The following CBLN2 variants were observed in gnomAD, a reference collection of about 807,000 sequenced individuals.
CBLN2 encodes cerebellin-2.
In CBLN2, 7 loss-of-function variants were observed where a neutral mutation model predicts 15.0. The observed-to-expected ratio is 0.47, with a 90% CI of 0.27 to 0.88. The LOEUF (loss-of-function observed/expected upper bound fraction) is 0.88. Ranked by LOEUF, CBLN2 falls within the 40% of genes least tolerant of loss-of-function variation. The probability of loss-of-function intolerance (pLI) is 0.14; values close to 1 mark genes in which losing one functional copy is unlikely to be tolerated. For missense variants in CBLN2, 242 were observed against 304.5 expected, an observed-to-expected ratio of 0.79 and a Z score of 1.53; for synonymous variants, 149 against 135.2, an observed-to-expected ratio of 1.10 and a Z score of -0.71.
At chr18:72,580,400 T>C (rs1264829523) in intron 1 of CBLN2, among the ~76,000 whole-genome samples, 3 of 152,198 alleles carry the variant, frequency 2.0e-5, no homozygotes, top group Non-Finnish European at 4.4e-5. Flanking sequence ...GACTAGAATA[T>C]TGACAGAAAG....
intron 1 of CBLN2, among the ~76,000 whole-genome samples, chr18:72,627,358 A>T (rs1342759960): frequency 6.6e-6 from 1 of 152,222 alleles, no homozygotes; most frequent in Non-Finnish European, 1.5e-5. Context: ...AACATTTTAT[A>T]TCTATATGAG....
At chr18:72,589,027 G>T (rs1190327092) in intron 1 of CBLN2, among the ~76,000 whole-genome samples, 1 of 152,126 alleles carries the variant, frequency 6.6e-6, no homozygotes, top group African/African-American at 2.4e-5. Context: ...AACCATTATA[G>T]CTGCTCTGGT....
chr18:72,604,069 A>T (rs572188465), intron 1 of CBLN2, among the ~76,000 whole-genome samples: 1 of 152,298 alleles, frequency 6.6e-6, no homozygotes, highest in Non-Finnish European at 1.5e-5. Flanking sequence ...GGGGTCTAGG[A>T]GACAGTACTT....
At chr18:72,583,438 G>C (rs899087566) in intron 1 of CBLN2, among the ~76,000 whole-genome samples, 1 of 152,046 alleles carries the variant, frequency 6.6e-6, no homozygotes. Flanking sequence ...TACTTTGGGG[G>C]CTCAATACTG....
chr18:72,561,258 A>AC (rs1396488657), intron 1 of CBLN2, among the ~76,000 whole-genome samples: 1 of 151,270 alleles, frequency 6.6e-6, no homozygotes, highest in Non-Finnish European at 1.5e-5. Context: ...AAAAAAAAAA[A>AC]AGATGCTTGA....
chr18:72,597,642 CT>C (rs2144938273), intron 1 of CBLN2, among the ~76,000 whole-genome samples: 1 of 152,318 alleles, frequency 6.6e-6, no homozygotes, highest in East Asian at 1.9e-4. Flanking sequence ...CAAGTTCCCC[CT>C]GTCCCTGAGA....
At chr18:72,586,398 T>G (rs1568124687) in intron 1 of CBLN2, among the ~76,000 whole-genome samples, 1 of 152,212 alleles carries the variant, frequency 6.6e-6, no homozygotes, top group African/African-American at 2.4e-5. Flanking sequence ...TGCCATAAAT[T>G]TCTTTACCAA....
intron 1 of CBLN2, among the ~76,000 whole-genome samples, chr18:72,555,560 C>G (rs1161715555): frequency 6.6e-6 from 1 of 152,090 alleles, no homozygotes; most frequent in Non-Finnish European, 1.5e-5. Context: ...CTAATACAAT[C>G]TTAATTTATG....
At chr18:72,633,032 A>C (rs994079254) in intron 1 of CBLN2, among the ~76,000 whole-genome samples, 3 of 152,184 alleles carry the variant, frequency 2.0e-5, no homozygotes, top group Non-Finnish European at 4.4e-5. Flanking sequence ...TTGTTTGTTA[A>C]ATGAAAAAGT....
At chr18:72,638,051 G>A (rs1223024963) in intron 1 of CBLN2, among the ~76,000 whole-genome samples, 1 of 152,340 alleles carries the variant, frequency 6.6e-6, no homozygotes, top group East Asian at 1.9e-4. Flanking sequence ...CAGGTTTAGA[G>A]TGAGGGCCCT....
upstream of CBLN2, among the ~76,000 whole-genome samples, chr18:72,546,070 A>G (rs2069155725): frequency 6.6e-6 from 1 of 152,242 alleles, no homozygotes; most frequent in Non-Finnish European, 1.5e-5. Flanking sequence ...TTTTAGAAGA[A>G]ACCATAAAAG....
chr18:72,615,063 ATATATT>A (rs2069648252), intron 1 of CBLN2, among the ~76,000 whole-genome samples: 2 of 138,266 alleles, frequency 1.4e-5, no homozygotes, highest in Non-Finnish European at 3.1e-5. Context: ...ATATAAATAT[ATATATT>A]TATATATTAT....
At chr18:72,610,178 T>C (rs535357460) in intron 1 of CBLN2, among the ~76,000 whole-genome samples, 1 of 152,080 alleles carries the variant, frequency 6.6e-6, no homozygotes, top group African/African-American at 2.4e-5. Context: ...GAGTTGTTGT[T>C]GTTGTTTTTA....
chr18:72,627,479 C>T (rs1283003751), intron 1 of CBLN2, among the ~76,000 whole-genome samples: 5 of 152,298 alleles, frequency 3.3e-5, no homozygotes, highest in African/African-American at 1.2e-4. Flanking sequence ...CTCAAATACT[C>T]TTCGAATGGG....
At chr18:72,627,434 T>C (rs1000783726) in intron 1 of CBLN2, among the ~76,000 whole-genome samples, 1 of 152,276 alleles carries the variant, frequency 6.6e-6, no homozygotes, top group African/African-American at 2.4e-5. Flanking sequence ...AAGAAGATGT[T>C]GCTGCGTGGC....
intron 1 of CBLN2, among the ~76,000 whole-genome samples, chr18:72,597,355 T>C (rs189156007): frequency 3.9e-5 from 6 of 152,336 alleles, no homozygotes; most frequent in Admixed American, 1.3e-4. Context: ...TACCAGGCAG[T>C]TACTCTTGTT....
At chr18:72,588,000 A>C (rs2069454670) in intron 1 of CBLN2, among the ~76,000 whole-genome samples, 1 of 152,224 alleles carries the variant, frequency 6.6e-6, no homozygotes, top group Admixed American at 6.5e-5. Context: ...AATAATTATC[A>C]TAGAGATTGC....
At chr18:72,553,442 A>G (rs2069203737) in intron 1 of CBLN2, among the ~76,000 whole-genome samples, 1 of 149,580 alleles carries the variant, frequency 6.7e-6, no homozygotes, top group Non-Finnish European at 1.5e-5. Context: ...AGGTTACTAC[A>G]TAGACTAACA....
intron 1 of CBLN2, among the ~76,000 whole-genome samples, chr18:72,622,583 T>C (rs950550065): frequency 1.3e-5 from 2 of 152,166 alleles, no homozygotes; most frequent in Admixed American, 1.3e-4. Flanking sequence ...TTCCCGAATA[T>C]CTGATCTGAG....
Sources: gnomAD v4.1 joint callset for allele counts (sites outside exome capture counted in the v4.1 genomes callset) on GRCh38, gnomAD v4.1.1 for gene constraint, MANE v1.5 for transcripts, NCBI Gene and HGNC (gene_info 2026-07-23, HGNC 2026-07-21) for gene names.